RBM25: variants seen among roughly 807,000 people sequenced by gnomAD.
RBM25 encodes the protein RNA-binding protein 25.
Under a neutral mutation model 120.7 loss-of-function variants are expected in RBM25, and 19 were observed. The ratio of observed to expected loss-of-function variants is 0.16; its 90% CI spans 0.11 to 0.23. The LOEUF is 0.23. Ranked by LOEUF, RBM25 falls within the 10% of genes least tolerant of loss-of-function variation. The pLI is 1.00. For missense variants in RBM25, 605 were observed against 1,041.5 expected, an observed-to-expected ratio of 0.58 and a Z score of 5.77; for synonymous variants, 390 against 326.7, an observed-to-expected ratio of 1.19 and a Z score of -2.09.
chr14:73,119,066 G>C (rs903889300), intron 18 of RBM25, among the ~76,000 whole-genome samples: 6 of 151,996 alleles, frequency 3.9e-5, no homozygotes, highest in Non-Finnish European at 5.9e-5. Context: ...ACTGTGCCCG[G>C]TCCATTTACT....
At position 73,109,486 on chromosome 14, in the gene RBM25, C is replaced by G; in HGVS notation, c.1686C>G (p.Leu562=). The G allele has an allele frequency of 6.2e-7, 1 of 1,613,916 alleles. No individual in the cohort carries two copies. The highest frequency in any genetic ancestry group is 1.7e-5 in the Admixed American group (1 of 59,998). The change falls in exon 14 of 19, where the codon CTC becomes CTG. Residue 562 remains leucine, a synonymous_variant. Transcript: ENST00000261973. ...GGCATCCAGATCCAGATGCAGAGCT[C>G]CAGAGGGTAAGATACTGTACCATCT... ...AEGHPDPDAE[L]QRMEQEAERR...
intron 16 of RBM25, 71 bp downstream of exon 16, chr14:73,111,873 A>G (rs1187369104): frequency 3.4e-6 from 5 of 1,455,780 alleles, no homozygotes; most frequent in Non-Finnish European, 3.7e-6. Flanking sequence ...TCATTTGAAG[A>G]AAAAAAAACC....
In RBM25 at chr14:73,119,811, T is replaced by C. The variant is rs1455651360; in HGVS notation, c.*6T>C. 4 of 1,599,170 alleles carry C rather than the reference T, an allele frequency of 2.5e-6. No individual in the cohort carries two copies. The highest frequency in any genetic ancestry group is 3.4e-6 in the Non-Finnish European group (4 of 1,176,536). On this transcript the variant is annotated 3_prime_UTR_variant, in exon 19 of 19. Coordinates refer to ENST00000261973, the MANE Select transcript of RBM25 (RefSeq NM_021239.3). ...AAATTGGTCTTGTGAAGTAAAACTT[T>C]TTATATTTAGAGTTCCATTTCAGAT...
chr14:73,106,692 G>T (rs1002094554), intron 12 of RBM25, among the ~76,000 whole-genome samples: 2 of 151,974 alleles, frequency 1.3e-5, no homozygotes, highest in Non-Finnish European at 2.9e-5. Context: ...GAGTTGGGGG[G>T]CATTACCTTT....
intron 2 of RBM25, among the ~76,000 whole-genome samples, chr14:73,071,997 G>A (rs946538837): frequency 1.7e-4 from 26 of 149,312 alleles, no homozygotes; most frequent in African/African-American, 5.7e-4. Flanking sequence ...TTTTGAGCTA[G>A]AGTCTTGCTC....
intron 7 of RBM25, among the ~76,000 whole-genome samples, chr14:73,098,621 A>G (rs995680421): frequency 2.0e-5 from 3 of 152,046 alleles, no homozygotes; most frequent in Non-Finnish European, 4.4e-5. Context: ...TCGTTTGGTC[A>G]TAGAACTTTT....
chr14:73,089,938 C>G (rs924825812), intron 6 of RBM25, among the ~76,000 whole-genome samples: 3 of 152,106 alleles, frequency 2.0e-5, no homozygotes, highest in African/African-American at 7.2e-5. Context: ...GTGAGCCACT[C>G]CACCCGGTCA....
At chr14:73,109,542 C>T (rs759466514) in intron 14 of RBM25, 50 bp downstream of exon 14, 2 of 1,563,072 alleles carry the variant, frequency 1.3e-6, no homozygotes, top group East Asian at 2.3e-5. Context: ...GCCTGTAATC[C>T]CAGCTCTTTG....
intron 10 of RBM25, among the ~76,000 whole-genome samples, chr14:73,104,016 T>TCA (rs1188889228): frequency 2.7e-5 from 4 of 150,158 alleles, no homozygotes; most frequent in East Asian, 3.9e-4. Context: ...TCTCTCTCTC[T>TCA]CACTATGGGT....
chr14:73,106,588 T>C (rs923948982), intron 12 of RBM25, among the ~76,000 whole-genome samples: 3 of 152,164 alleles, frequency 2.0e-5, no homozygotes, highest in African/African-American at 7.2e-5. Flanking sequence ...TTTTTAAAAT[T>C]GTTGAACTGT....
At chr14:73,117,045 A>G (rs1312838338) in intron 18 of RBM25, among the ~76,000 whole-genome samples, 1 of 152,048 alleles carries the variant, frequency 6.6e-6, no homozygotes, top group Non-Finnish European at 1.5e-5. Flanking sequence ...TTTTGTGCCT[A>G]CATCTCTCTG....
At chr14:73,087,056 C>CT (rs577362645) in intron 5 of RBM25, among the ~76,000 whole-genome samples, 904 of 5,406 alleles carry the variant, frequency 0.17, 12 homozygotes, top group African/African-American at 0.43. Context: ...GTATATCACA[C>CT]TGAAATGTCA....
intron 6 of RBM25, among the ~76,000 whole-genome samples, chr14:73,096,081 G>A (rs376623753): frequency 3.4e-4 from 52 of 152,152 alleles, no homozygotes; most frequent in African/African-American, 9.4e-4. Context: ...GGTTTTAAGC[G>A]ATTCTCCTGC....
At chr14:73,095,212 C>T (rs1259598384) in intron 6 of RBM25, among the ~76,000 whole-genome samples, 1 of 151,954 alleles carries the variant, frequency 6.6e-6, no homozygotes, top group Non-Finnish European at 1.5e-5. Context: ...GTGTCATAAC[C>T]CATCTGTTAC....
rs74764665 is a variant in RBM25, at chr14:73,078,956, G to T, written c.324+1420G>T. 7.2e-3 allele frequency among the ~76,000 whole-genome samples: 1,103 copies of T among 152,250 alleles called. 16 individuals are homozygous for T. Among genetic ancestry groups the T allele is most frequent in the African/African-American group, 0.025 (1,059 of 41,546 alleles). Reference sequence around the variant, plus strand: ...CTTTTCCCCAATGATGTTAAACAATGATTTTAGCATCCAATGATGATTGAC... The same window carrying T: ...CTTTTCCCCAATGATGTTAAACAATTATTTTAGCATCCAATGATGATTGAC... On this transcript the variant is annotated intron_variant, in intron 4 of 18. Transcript: ENST00000261973.
intron 10 of RBM25, among the ~76,000 whole-genome samples, chr14:73,104,933 C>A (rs1277397323): frequency 1.3e-5 from 2 of 151,878 alleles, no homozygotes; most frequent in Non-Finnish European, 2.9e-5. Flanking sequence ...TCATTCTGTC[C>A]ATTCCTGATA....
intron 1 of RBM25, chr14:73,068,182 T>A (rs28716686): frequency 0.038 from 32,499 of 846,442 alleles, 2,796 homozygotes; most frequent in African/African-American, 0.29. Flanking sequence ...TCTCTTGATA[T>A]GTGGAAAGCC....
intron 18 of RBM25, among the ~76,000 whole-genome samples, chr14:73,115,291 C>T (rs1397385419): frequency 6.6e-6 from 1 of 152,042 alleles, no homozygotes; most frequent in Non-Finnish European, 1.5e-5. Context: ...GCCTAGTACT[C>T]ATTAGTTATT....
chr14:73,085,790 C>G (rs1271552693), intron 5 of RBM25, among the ~76,000 whole-genome samples: 1 of 152,148 alleles, frequency 6.6e-6, no homozygotes, highest in African/African-American at 2.4e-5. Flanking sequence ...GATGCACTGG[C>G]TTGCTTTCTT....
Sources: allele counts gnomAD v4.1 joint callset (sites outside exome capture counted in the v4.1 genomes callset), GRCh38; gene constraint gnomAD v4.1.1; transcripts MANE v1.5; gene names NCBI Gene and HGNC (gene_info 2026-07-23, HGNC 2026-07-21).